Variants in VCAN observed in about 807,000 individuals in gnomAD.
VCAN encodes versican core protein.
In VCAN, 44 loss-of-function variants were observed where a neutral mutation model predicts 245.5. The ratio of observed to expected loss-of-function variants is 0.18; its 90% CI spans 0.14 to 0.23. VCAN has a LOEUF of 0.23. VCAN is among the 10% of genes least tolerant of loss of function. VCAN has a pLI of 1.00. For synonymous variants in VCAN, 1,413 were observed against 1,437.0 expected, an observed-to-expected ratio of 0.98 and a Z score of 0.38; for missense variants, 3,793 against 4,057.9, an observed-to-expected ratio of 0.93 and a Z score of 1.77.
rs926489472 is a variant in VCAN at position 83,553,467 on chromosome 5, G to T, written c.9597G>T (p.Leu3199=). ...TWDAAERECR[L]QGAHLTSILS... ...ATGCAGCTGAACGGGAATGCCGTCT[G>T]CAGGGTGCCCATCTCACAAGCATCC... The change falls in exon 11 of 15, where the codon CTG becomes CTT. Residue 3199 remains leucine, a synonymous_variant. Coordinates refer to ENST00000265077, the MANE Select transcript of VCAN (RefSeq NM_004385.5). 3 of 1,613,990 alleles carry T rather than the reference G, an allele frequency of 1.9e-6. No individual in the cohort carries two copies. Among genetic ancestry groups the T allele is most frequent in the African/African-American group, 2.7e-5 (2 of 74,924 alleles).
Position 83,541,640 on chromosome 5 carries a change from A to G in VCAN, c.8637A>G (p.Ser2879=). The G allele has an allele frequency of 6.2e-7, 1 of 1,613,870 alleles. No homozygotes were observed. Among genetic ancestry groups the G allele is most frequent in the Non-Finnish European group, 8.5e-7 (1 of 1,179,990 alleles). Residue 2879 remains serine (S), a synonymous_variant, in exon 8 of 15, where the codon TCA becomes TCG. Transcript: ENST00000265077. The stretch of plus-strand genomic sequence containing the variant: ...ATATTGAAGCGACTTTCAAACCATC[A>G]AGTGAGGAATACCTTCACATAACTG... The part of the protein sequence containing the change: ...HVNIEATFKP[S]SEEYLHITEP...
At chr5:83,508,793 T>A (rs572858195) in intron 5 of VCAN, among the ~76,000 whole-genome samples, 1 of 152,222 alleles carries the variant, frequency 6.6e-6, no homozygotes, top group Non-Finnish European at 1.5e-5. Flanking sequence ...CCAATGGTAA[T>A]GTTTCTTGCA....
At chr5:83,485,877 A>G (rs1404970148) in intron 2 of VCAN, among the ~76,000 whole-genome samples, 1 of 152,086 alleles carries the variant, frequency 6.6e-6, no homozygotes, top group African/African-American at 2.4e-5. Flanking sequence ...AGGTCGGAGG[A>G]GTGATTGAGC....
chr5:83,535,407 T>G (rs1408667254), intron 7 of VCAN, among the ~76,000 whole-genome samples: 1 of 152,156 alleles, frequency 6.6e-6, no homozygotes. Flanking sequence ...TTTTCTTTCT[T>G]GTTTCTATTA....
intron 12 of VCAN, among the ~76,000 whole-genome samples, chr5:83,566,058 G>T (rs1748068214): frequency 4.2e-5 from 2 of 47,878 alleles, no homozygotes; most frequent in African/African-American, 1.3e-4. Context: ...CCGCCTCCCG[G>T]GTTAAGTGAT....
At chr5:83,524,536 G>GTGCC (rs1483386552) in intron 7 of VCAN, among the ~76,000 whole-genome samples, 6 of 147,394 alleles carry the variant, frequency 4.1e-5, no homozygotes, top group African/African-American at 1.5e-4. Flanking sequence ...ACCTACCTGC[G>GTGCC]TACCTACCTA....
At position 83,538,416 on chromosome 5, in the gene VCAN, C is replaced by G; in HGVS notation, c.5413C>G (p.Gln1805Glu). ...ETNTLENLGA[Q>E]TTEHSSIHQP... ...AAATACATTAGAAAATTTGGGGGCA[C>G]AGACCACTGAGCACAGCAGTATCCA... The change falls in exon 8 of 15, where the codon CAG becomes GAG. Residue 1805 changes from glutamine (Q) to glutamate (E), a missense_variant. Transcript: ENST00000265077. 1 of 1,614,024 alleles carries G rather than the reference C, an allele frequency of 6.2e-7. No homozygotes were observed. Among genetic ancestry groups the G allele is most frequent in the Non-Finnish European group, 8.5e-7 (1 of 1,179,966 alleles).
At chr5:83,548,265 T>C (rs537707307) in intron 10 of VCAN, among the ~76,000 whole-genome samples, 181 bp downstream of exon 10, 6 of 152,248 alleles carry the variant, frequency 3.9e-5, no homozygotes, top group East Asian at 1.9e-4. Flanking sequence ...AGCTGATAGA[T>C]TGGAATTGCA....
intron 12 of VCAN, among the ~76,000 whole-genome samples, chr5:83,557,977 ACT>A (rs773019032): frequency 1.5e-4 from 23 of 152,258 alleles, no homozygotes; most frequent in African/African-American, 3.8e-4. Flanking sequence ...TTCTTAATTC[ACT>A]CTCTGTGTAA....
chr5:83,536,716 G>T (rs893900206), intron 7 of VCAN: 1 of 233,276 alleles, frequency 4.3e-6, no homozygotes, highest in Non-Finnish European at 8.4e-6. Context: ...AGATTACATT[G>T]TATATGTGAT....
intron 12 of VCAN, among the ~76,000 whole-genome samples, chr5:83,560,141 C>T (rs371139579): frequency 2.0e-5 from 3 of 152,146 alleles, no homozygotes; most frequent in East Asian, 3.9e-4. Context: ...GTCCTAGAAA[C>T]ACCTTTGCAA....
chr5:83,485,745 A>T (rs567125716), intron 2 of VCAN, among the ~76,000 whole-genome samples: 2 of 151,458 alleles, frequency 1.3e-5, no homozygotes, highest in East Asian at 1.9e-4. Context: ...GAATAAATTG[A>T]CTCCTGGGAT....
Position 83,538,943 on chromosome 5 carries a change from C to G in VCAN, c.5940C>G (p.Ile1980Met), listed in dbSNP as rs1280827206. The G allele has an allele frequency of 6.2e-7, 1 of 1,613,912 alleles. No individual in the cohort carries two copies. Among genetic ancestry groups the G allele is most frequent in the Non-Finnish European group, 8.5e-7 (1 of 1,179,972 alleles). Reference sequence around the variant, plus strand: ...CTACAGTACCTACTTCAGTTCACATCAGTCACATATCTGACTCAGAAGGAC... The same window carrying G: ...CTACAGTACCTACTTCAGTTCACATGAGTCACATATCTGACTCAGAAGGAC... ...SPSTVPTSVH[I>M]SHISDSEGPS... Residue 1980 changes from isoleucine to methionine, a missense_variant, in exon 8 of 15, where the codon ATC becomes ATG. Physicochemically the swap from Ile to Met is conservative, Grantham distance 10. Transcript: ENST00000265077.
chr5:83,574,095 T>C (rs1191243223), intron 13 of VCAN, among the ~76,000 whole-genome samples: 1 of 152,172 alleles, frequency 6.6e-6, no homozygotes, highest in African/African-American at 2.4e-5. Context: ...GGAGTTCTGA[T>C]GTCCATGGTG....
At chr5:83,501,768 CTGGGTTTCTTGAGTTCCCACATGAATTT>C (rs1745335840) in intron 5 of VCAN, among the ~76,000 whole-genome samples, 1 of 151,998 alleles carries the variant, frequency 6.6e-6, no homozygotes, top group African/African-American at 2.4e-5. Flanking sequence ...TTTTAGTATT[CTGGGTTTCTTGAGTTCCCACATGAATTT>C]TAAAATTGGC....
chr5:83,578,365 A>G (rs1414666508), intron 13 of VCAN, among the ~76,000 whole-genome samples: 1 of 152,130 alleles, frequency 6.6e-6, no homozygotes, highest in East Asian at 1.9e-4. Flanking sequence ...GAAGATTAGA[A>G]AAATAACTGT....
rs139358837 is a variant in VCAN at position 83,520,346 on chromosome 5, G to A, written c.2040G>A (p.Met680Ile). The change falls in exon 7 of 15, where the codon ATG becomes ATA. Residue 680 changes from methionine (M) to isoleucine (I), a missense_variant. Around this residue, in one of 5 missense-constraint regions of VCAN, gnomAD observed 3,182 missense variants for 3,250.3 expected, o/e 0.98. Coordinates refer to ENST00000265077, the MANE Select transcript of VCAN (RefSeq NM_004385.5). ...TTTATCCTTCTCTACAAACAGAAATGACACATAGAAGAGAAAGAACAGAAA... is the reference window on the plus strand; with the variant it reads ...TTTATCCTTCTCTACAAACAGAAATAACACATAGAAGAGAAAGAACAGAAA... ...TVIYPSLQTE[M>I]THRRERTETL... The A allele has an allele frequency of 1.2e-6, 2 of 1,612,730 alleles. No individual in the cohort carries two copies. The highest frequency in any genetic ancestry group is 1.3e-5 in the African/African-American group (1 of 74,760).
chr5:83,485,104 C>A (rs1463223326), intron 2 of VCAN, among the ~76,000 whole-genome samples: 1 of 152,134 alleles, frequency 6.6e-6, no homozygotes, highest in Non-Finnish European at 1.5e-5. Flanking sequence ...CTGAAACATC[C>A]ATTACCCCTG....
rs1181317381 is a variant in VCAN at position 83,541,335 on chromosome 5, C to T, written c.8332C>T (p.Pro2778Ser). 3.1e-6 allele frequency: 5 copies of T among 1,613,938 alleles called. No homozygotes were observed. Among genetic ancestry groups the T allele is most frequent in the Non-Finnish European group, 4.2e-6 (5 of 1,180,002 alleles). Residue 2778 changes from proline to serine, a missense_variant, in exon 8 of 15, where the codon CCC becomes TCC. Transcript: ENST00000265077. ...TGAGGAGGCATTAGTAGACCATACTCCCTATCTAAGTATTGCTACTACCCA... is the reference window on the plus strand; with the variant it reads ...TGAGGAGGCATTAGTAGACCATACTTCCTATCTAAGTATTGCTACTACCCA... ...GAEEALVDHT[P>S]YLSIATTHLM...
Sources: allele counts gnomAD v4.1 joint callset (sites outside exome capture counted in the v4.1 genomes callset), GRCh38; gene constraint gnomAD v4.1.1; regional missense constraint gnomAD v4.1.1; transcripts MANE v1.5; gene names NCBI Gene and HGNC (gene_info 2026-07-23, HGNC 2026-07-21).